Variants in LINGO2 observed in about 807,000 individuals in gnomAD.
LINGO2 encodes leucine-rich repeat and immunoglobulin-like domain-containing nogo receptor-interacting protein 2.
Under a neutral mutation model 30.6 loss-of-function variants are expected in LINGO2, and 14 were observed. That is an observed-to-expected ratio of 0.46 (90% CI 0.30 to 0.72). The LOEUF (loss-of-function observed/expected upper bound fraction) is 0.72. LINGO2 is among the 30% of genes least tolerant of loss of function. The pLI is 0.07. For synonymous variants in LINGO2, 317 were observed against 288.5 expected (o/e 1.10, Z -1.00); for missense variants, 729 against 751.7 (o/e 0.97, Z 0.35).
intron 4 of LINGO2, among the ~76,000 whole-genome samples, chr9:28,045,373 TC>T (rs1824373191): frequency 6.6e-6 from 1 of 152,172 alleles, no homozygotes; most frequent in Non-Finnish European, 1.5e-5. Context: ...TTATGAATTG[TC>T]AAGTTTTCCG....
At chr9:28,067,459 G>A (rs1188952862) in intron 4 of LINGO2, among the ~76,000 whole-genome samples, 1 of 152,108 alleles carries the variant, frequency 6.6e-6, no homozygotes, top group Non-Finnish European at 1.5e-5. Flanking sequence ...TCAGATTTTT[G>A]TGCTTTAATG....
At chr9:28,269,700 C>A (rs1253381060) in intron 4 of LINGO2, among the ~76,000 whole-genome samples, 2 of 152,130 alleles carry the variant, frequency 1.3e-5, no homozygotes, top group Admixed American at 6.6e-5. Flanking sequence ...CCCACATCCA[C>A]CACAAAAGAC....
At chr9:29,203,484 A>T in the LINGO2 span, among the ~76,000 whole-genome samples, 2 of 152,302 alleles carry the variant, frequency 1.3e-5, no homozygotes, top group Admixed American at 1.3e-4. Flanking sequence ...TTTATGACCC[A>T]TGTATCTTAT....
the LINGO2 span, among the ~76,000 whole-genome samples, chr9:28,820,246 GA>G: frequency 3.3e-3 from 463 of 138,858 alleles, 2 homozygotes; most frequent in East Asian, 8.3e-3. Flanking sequence ...GAGAAAAGAT[GA>G]AAAAAAAAAA....
At chr9:28,884,693 A>ATG in the LINGO2 span, among the ~76,000 whole-genome samples, 48 of 31,820 alleles carry the variant, frequency 1.5e-3, no homozygotes, top group Admixed American at 4.1e-3. Flanking sequence ...TAGTGTATGT[A>ATG]TGTGTATATA....
chr9:28,610,595 T>C (rs971848986), intron 1 of LINGO2, among the ~76,000 whole-genome samples: 3 of 152,104 alleles, frequency 2.0e-5, no homozygotes, highest in African/African-American at 4.8e-5. Context: ...GCATTCAAGG[T>C]TTCATCGTGA....
the LINGO2 span, among the ~76,000 whole-genome samples, chr9:28,791,075 C>A: frequency 1.3e-5 from 2 of 152,036 alleles, no homozygotes; most frequent in African/African-American, 4.8e-5. Context: ...AAAGTCTATG[C>A]GAATGTATGT....
In LINGO2 at chr9:28,253,760, T is replaced by G. The variant is rs1032650281; in HGVS notation, c.-87+41448A>C. 2.6e-5 allele frequency among the ~76,000 whole-genome samples: 4 copies of G among 152,120 alleles called. No individual in the cohort carries two copies. In the East Asian group the frequency reaches 7.7e-4, roughly 29 times the overall value. On this transcript the variant is annotated intron_variant, in intron 4 of 5. Transcript: ENST00000379992. ...CCCTTCCTGGTCTCAGGTCTCAGTT[T>G]CATTTGTAAAATGGGGATCACAATA...
At chr9:28,080,263 G>A (rs981419526) in intron 4 of LINGO2, among the ~76,000 whole-genome samples, 12 of 152,226 alleles carry the variant, frequency 7.9e-5, no homozygotes, top group Admixed American at 1.3e-4. Flanking sequence ...TAAGAATACT[G>A]AAATTTCTAC....
chr9:28,852,960 C>A, the LINGO2 span, among the ~76,000 whole-genome samples: 2 of 151,926 alleles, frequency 1.3e-5, no homozygotes, highest in Non-Finnish European at 2.9e-5. Flanking sequence ...TGTGTAGTGA[C>A]CAGGGCTGAA....
chr9:28,354,152 TAA>T (rs199705884), intron 3 of LINGO2, among the ~76,000 whole-genome samples: 2 of 149,986 alleles, frequency 1.3e-5, no homozygotes, highest in African/African-American at 2.4e-5. Context: ...TAAAGTTAAT[TAA>T]AAAAAAAATG....
intron 1 of LINGO2, among the ~76,000 whole-genome samples, chr9:28,565,744 C>T (rs1180618702): frequency 6.0e-5 from 9 of 151,184 alleles, no homozygotes; most frequent in Admixed American, 1.3e-4. Flanking sequence ...TTAGTAGAGA[C>T]GGGGTTTCAC....
the LINGO2 span, among the ~76,000 whole-genome samples, chr9:28,715,207 G>A: frequency 6.6e-6 from 1 of 152,088 alleles, no homozygotes; most frequent in African/African-American, 2.4e-5. Flanking sequence ...AGCCATTTAG[G>A]ATATATTATT....
chr9:28,965,294 C>A, the LINGO2 span, among the ~76,000 whole-genome samples: 16 of 151,976 alleles, frequency 1.1e-4, no homozygotes, highest in East Asian at 1.2e-3. Context: ...ACCCAAGTAA[C>A]CAGAACACTA....
the LINGO2 span, among the ~76,000 whole-genome samples, chr9:28,732,292 T>G: frequency 6.6e-6 from 1 of 152,150 alleles, no homozygotes; most frequent in Admixed American, 6.5e-5. Flanking sequence ...TTTTTAGACT[T>G]TTGCCAACCC....
At chr9:29,192,397 A>C in the LINGO2 span, among the ~76,000 whole-genome samples, 1 of 152,172 alleles carries the variant, frequency 6.6e-6, no homozygotes, top group African/African-American at 2.4e-5. Context: ...TCAACACTAC[A>C]TTTATATTCT....
At chr9:28,533,387 G>A (rs893129076) in intron 1 of LINGO2, among the ~76,000 whole-genome samples, 3 of 151,982 alleles carry the variant, frequency 2.0e-5, no homozygotes, top group Non-Finnish European at 4.4e-5. Flanking sequence ...CCTATTGTGG[G>A]ACTTCACCTT....
At chr9:28,650,864 C>T (rs377018022) in intron 1 of LINGO2, among the ~76,000 whole-genome samples, 2 of 152,120 alleles carry the variant, frequency 1.3e-5, no homozygotes, top group South Asian at 2.1e-4. Flanking sequence ...GGCTTACCAG[C>T]CAATTTTAAA....
chr9:28,373,154 G>A (rs927170562), intron 2 of LINGO2, among the ~76,000 whole-genome samples: 1 of 152,080 alleles, frequency 6.6e-6, no homozygotes, highest in Admixed American at 6.5e-5. Flanking sequence ...ATGCAGAGGG[G>A]ATGTTTAATA....
Sources: allele counts gnomAD v4.1 joint callset (sites outside exome capture counted in the v4.1 genomes callset), GRCh38; gene constraint gnomAD v4.1.1; transcripts MANE v1.5; gene names NCBI Gene and HGNC (gene_info 2026-07-23, HGNC 2026-07-21).